The following CNRIP1 variants were observed in gnomAD, a reference collection of about 807,000 sequenced individuals.
CNRIP1 encodes the protein cannabinoid receptor interacting protein 1.
CNRIP1 carries 10 observed loss-of-function variants against 15.2 expected under a neutral mutation model. The observed-to-expected ratio is 0.66, with a 90% CI of 0.41 to 1.12. The LOEUF (loss-of-function observed/expected upper bound fraction) is 1.12. CNRIP1 is among the 50% of genes most tolerant of loss of function. CNRIP1 has a pLI of 0.00. For missense variants in CNRIP1, 211 were observed against 214.7 expected (o/e 0.98, Z 0.11); for synonymous variants, 91 against 83.2 (o/e 1.09, Z -0.51).
intron 1 of CNRIP1, among the ~76,000 whole-genome samples, chr2:68,317,526 G>A (rs1672320886): frequency 6.6e-6 from 1 of 152,202 alleles, no homozygotes; most frequent in Non-Finnish European, 1.5e-5. Context: ...CAGTTGGCCT[G>A]GGATGTAGTT....
intron 2 of CNRIP1, among the ~76,000 whole-genome samples, chr2:68,302,992 C>T (rs919385419): frequency 2.1e-4 from 32 of 151,636 alleles, no homozygotes; most frequent in Non-Finnish European, 3.4e-4. Flanking sequence ...GGACTACAGG[C>T]GCCCGCTACC....
intron 1 of CNRIP1, among the ~76,000 whole-genome samples, chr2:68,318,328 A>G (rs1672354361): frequency 6.6e-6 from 1 of 152,202 alleles, no homozygotes; most frequent in African/African-American, 2.4e-5. Flanking sequence ...TATGTAGTAG[A>G]TACAATAAAT....
intron 2 of CNRIP1, among the ~76,000 whole-genome samples, chr2:68,285,668 A>AAAAAGAAAAG (rs1553413238): frequency 5.1e-4 from 63 of 124,448 alleles, no homozygotes; most frequent in African/African-American, 1.2e-3. Flanking sequence ...AAAAAAAAAA[A>AAAAAGAAAAG]AAAAGAAAAG....
chr2:68,315,053 CA>C (rs1672219770), intron 2 of CNRIP1, among the ~76,000 whole-genome samples: 2 of 151,516 alleles, frequency 1.3e-5, no homozygotes, highest in African/African-American at 4.8e-5. Context: ...TGTTTGACTA[CA>C]AAATTTATAT....
chr2:68,316,351 TC>T (rs1225333960), intron 2 of CNRIP1: 2 of 152,166 alleles, frequency 1.3e-5, no homozygotes, highest in Non-Finnish European at 2.9e-5. Flanking sequence ...TTGTGATACT[TC>T]CTATAAAGCT....
intron 2 of CNRIP1, among the ~76,000 whole-genome samples, chr2:68,314,796 G>A (rs1394619340): frequency 1.3e-5 from 2 of 151,952 alleles, no homozygotes; most frequent in East Asian, 1.9e-4. Flanking sequence ...CTTTGGAGAA[G>A]CATAGATTAT....
intron 2 of CNRIP1, among the ~76,000 whole-genome samples, chr2:68,315,079 A>G (rs1417682460): frequency 6.6e-6 from 1 of 152,214 alleles, no homozygotes; most frequent in African/African-American, 2.4e-5. Context: ...TATTGTAAAC[A>G]AAATAAAAAT....
chr2:68,300,839 T>C (rs1671580182), intron 2 of CNRIP1, among the ~76,000 whole-genome samples: 1 of 152,186 alleles, frequency 6.6e-6, no homozygotes, highest in African/African-American at 2.4e-5. Context: ...GAAAACCTTA[T>C]ACTAATAATT....
At chr2:68,291,509 C>A (rs1671168111), downstream of CNRIP1, among the ~76,000 whole-genome samples, 1 of 152,000 alleles carries the variant, frequency 6.6e-6, no homozygotes, top group Admixed American at 6.6e-5. Context: ...AACAGCGCAG[C>A]TATCCCAGGA....
intron 2 of CNRIP1, among the ~76,000 whole-genome samples, chr2:68,301,376 A>T (rs1671598330): frequency 6.6e-6 from 1 of 152,210 alleles, no homozygotes; most frequent in African/African-American, 2.4e-5. Flanking sequence ...TTTCAACTTC[A>T]TTAAGGGGCA....
Position 68,295,085 on chromosome 2 carries a change from G to A in CNRIP1, c.331-1059C>T, listed in dbSNP as rs150854077. 7.8e-4 allele frequency among the ~76,000 whole-genome samples: 118 copies of A among 152,244 alleles called. 3 individuals carry two copies. The East Asian group carries it at 0.02, about 26-fold the overall frequency. ...GGCATTAAACTGCATGATGCCTGTC[G>A]TTATTTTCTCCTCTGACCCTCCCCT... On this transcript the variant is annotated intron_variant, in intron 2 of 2. Transcript: ENST00000263655.
intron 2 of CNRIP1, among the ~76,000 whole-genome samples, chr2:68,307,971 T>C (rs779981057): frequency 1.2e-4 from 18 of 152,136 alleles, no homozygotes; most frequent in Non-Finnish European, 2.6e-4. Flanking sequence ...GGTGAGAGGA[T>C]TGCTTGAGCG....
chr2:68,314,346 T>C (rs1672197551), intron 2 of CNRIP1, among the ~76,000 whole-genome samples: 2 of 152,208 alleles, frequency 1.3e-5, no homozygotes, highest in South Asian at 4.1e-4. Flanking sequence ...TTTAGCAATA[T>C]ATTAATAATA....
exon 3 of CNRIP1, chr2:68,284,229 A>C (rs1488486370): frequency 5.0e-6 from 2 of 400,446 alleles, no homozygotes; most frequent in African/African-American, 2.1e-5. Context: ...TAAAATGCAG[A>C]TGCTTTGGAT....
intron 2 of CNRIP1, among the ~76,000 whole-genome samples, chr2:68,308,274 C>T (rs1671937716): frequency 6.6e-6 from 1 of 151,956 alleles, no homozygotes; most frequent in South Asian, 2.1e-4. Context: ...AAATAGATTT[C>T]CTAGTTTACT....
intron 2 of CNRIP1, among the ~76,000 whole-genome samples, chr2:68,304,619 T>C (rs1444581967): frequency 2.0e-5 from 2 of 98,278 alleles, no homozygotes; most frequent in Non-Finnish European, 3.7e-5. Context: ...ACTGGTCATC[T>C]GGTTGTCTTT....
chr2:68,309,845 G>C (rs1672007636), intron 2 of CNRIP1, among the ~76,000 whole-genome samples: 1 of 152,172 alleles, frequency 6.6e-6, no homozygotes, highest in Non-Finnish European at 1.5e-5. Context: ...AAGGATAGTG[G>C]GACATGGACA....
At chr2:68,315,493 GTT>G (rs1198848270) in intron 2 of CNRIP1, among the ~76,000 whole-genome samples, 2 of 152,098 alleles carry the variant, frequency 1.3e-5, no homozygotes, top group African/African-American at 4.8e-5. Context: ...TTGTAATGTG[GTT>G]TTGTTTATAA....
intron 2 of CNRIP1, among the ~76,000 whole-genome samples, chr2:68,307,252 CTACA>C (rs1203648453): frequency 1.3e-5 from 2 of 152,110 alleles, no homozygotes; most frequent in East Asian, 1.9e-4. Flanking sequence ...TATTGTCTAA[CTACA>C]TATTCTTTGC....
Sources: gnomAD v4.1 joint callset for allele counts (sites outside exome capture counted in the v4.1 genomes callset) on GRCh38, gnomAD v4.1.1 for gene constraint, MANE v1.5 for transcripts, NCBI Gene and HGNC (gene_info 2026-07-23, HGNC 2026-07-21) for gene names.